The following FER variants were observed in gnomAD, a reference collection of about 807,000 sequenced individuals.
FER encodes tyrosine-protein kinase Fer.
Under a neutral mutation model 111.0 loss-of-function variants are expected in FER, and 63 were observed. The observed-to-expected ratio is 0.57, with a 90% CI of 0.46 to 0.70. FER has a LOEUF of 0.70. Ranked by LOEUF, FER falls within the 30% of genes least tolerant of loss-of-function variation. The pLI, the probability that FER is intolerant of heterozygous loss-of-function variation, is 0.00. For synonymous variants in FER, 327 were observed against 313.9 expected, an observed-to-expected ratio of 1.04 and a Z score of -0.44; for missense variants, 914 against 954.0, an observed-to-expected ratio of 0.96 and a Z score of 0.55.
chr5:108,803,656 T>TA (rs1269864263), intron 3 of FER, among the ~76,000 whole-genome samples: 5 of 151,862 alleles, frequency 3.3e-5, no homozygotes, highest in Admixed American at 1.3e-4. Context: ...TTTTTTTTTT[T>TA]AATTTCTGTG....
At chr5:108,785,330 C>A in intron 2 of FER, 1 of 565,830 alleles carries the variant, frequency 1.8e-6, no homozygotes, top group South Asian at 1.5e-5. Context: ...GTGCTTCAGC[C>A]CCAACTGCTA....
At chr5:108,845,047 TATATATATATATATATATATACACAC>T (rs1761863519) in intron 5 of FER, among the ~76,000 whole-genome samples, 4 of 44,858 alleles carry the variant, frequency 8.9e-5, no homozygotes, top group Non-Finnish European at 1.2e-4. Context: ...TATACATATA[TATATATATATATATATATATACACAC>T]ACACACACAC....
chr5:109,155,228 G>A (rs1755238621), intron 17 of FER, among the ~76,000 whole-genome samples: 1 of 151,842 alleles, frequency 6.6e-6, no homozygotes, highest in Non-Finnish European at 1.5e-5. Flanking sequence ...ATATGTTACT[G>A]CCTAGGATCC....
intron 3 of FER, among the ~76,000 whole-genome samples, chr5:108,825,289 AAG>A: frequency 1.3e-5 from 2 of 152,340 alleles, no homozygotes; most frequent in East Asian, 3.9e-4. Flanking sequence ...TCTCAACCAT[AAG>A]AGACAGGTAC....
At chr5:109,010,972 G>A (rs1766186311) in intron 13 of FER, among the ~76,000 whole-genome samples, 1 of 152,144 alleles carries the variant, frequency 6.6e-6, no homozygotes, top group Admixed American at 6.5e-5. Flanking sequence ...ATGGAAAAAT[G>A]TAAAAGGAAT....
Position 109,078,858 on chromosome 5 carries a change from A to G in FER, c.1925-21538A>G, listed in dbSNP as rs75723187. Among the ~76,000 whole-genome samples, 1,496 of 152,318 alleles carry G rather than the reference A, an allele frequency of 9.8e-3. 18 individuals carry two copies. The highest frequency in any genetic ancestry group is 0.034 in the African/African-American group (1,420 of 41,580). On this transcript the variant is annotated intron_variant, in intron 16 of 19. Transcript: ENST00000281092. ...CCCCTTATGACTTAATAAGTCCATA[A>G]GAGAGGATCACTAGTAATTGGGTTT...
chr5:108,928,370 A>G lies in FER; in HGVS notation c.1237-17760A>G, dbSNP rs185197788. ...AAGTTTTTACTGCTGCCAATTGGCA[A>G]TCATATCACAAAATATTTTAAAGCT... is the stretch of plus-strand genomic sequence containing the variant. On this transcript the variant is annotated intron_variant, in intron 10 of 19. Transcript: ENST00000281092. 1.4e-3 allele frequency among the ~76,000 whole-genome samples: 215 copies of G among 152,348 alleles called. 1 individual carries two copies. Among genetic ancestry groups the G allele is most frequent in the African/African-American group, 5.0e-3 (207 of 41,578 alleles).
chr5:108,923,358 G>T (rs72793905), intron 10 of FER, among the ~76,000 whole-genome samples: 16 of 151,632 alleles, frequency 1.1e-4, no homozygotes, highest in Admixed American at 7.9e-4. Context: ...ATTTTTTTTT[G>T]ATTGCATCTA....
At chr5:109,154,530 A>C (rs1043189421) in intron 17 of FER, among the ~76,000 whole-genome samples, 2 of 151,918 alleles carry the variant, frequency 1.3e-5, no homozygotes, top group African/African-American at 4.8e-5. Context: ...GGGTTAAAGA[A>C]TACAGGAAGA....
intron 10 of FER, among the ~76,000 whole-genome samples, chr5:108,944,659 A>T (rs781257304): frequency 1.3e-5 from 2 of 152,078 alleles, no homozygotes; most frequent in African/African-American, 4.8e-5. Flanking sequence ...TGTTACATAG[A>T]CAGGAACTAC....
At chr5:109,098,965 G>A (rs1293853749) in intron 16 of FER, among the ~76,000 whole-genome samples, 7 of 151,572 alleles carry the variant, frequency 4.6e-5, no homozygotes, top group Admixed American at 6.6e-5. Context: ...TCTCATTAAG[G>A]AAAAAGCCAC....
chr5:108,910,946 A>G (rs1247729522), intron 10 of FER, among the ~76,000 whole-genome samples: 1 of 152,144 alleles, frequency 6.6e-6, no homozygotes, highest in Non-Finnish European at 1.5e-5. Flanking sequence ...TATTACAATA[A>G]ACATATGAGT....
chr5:109,045,458 A>G (rs1771830564), intron 15 of FER, among the ~76,000 whole-genome samples: 1 of 152,132 alleles, frequency 6.6e-6, no homozygotes, highest in Non-Finnish European at 1.5e-5. Context: ...ATAACTGTTG[A>G]TAAGATAATA....
chr5:108,868,612 G>T (rs1764307784), intron 6 of FER, among the ~76,000 whole-genome samples: 1 of 152,032 alleles, frequency 6.6e-6, no homozygotes, highest in South Asian at 2.1e-4. Flanking sequence ...TTCTTTCACT[G>T]AAAATTGTGT....
At chr5:108,909,058 A>G (rs1291280019) in intron 10 of FER, among the ~76,000 whole-genome samples, 1 of 152,186 alleles carries the variant, frequency 6.6e-6, no homozygotes, top group Non-Finnish European at 1.5e-5. Flanking sequence ...ATTATGTTTG[A>G]AGATGTTCTA....
At position 108,841,110 on chromosome 5, in the gene FER, T is replaced by C. The variant is rs564039307; in HGVS notation, c.481+5303T>C. On this transcript the variant is annotated intron_variant, in intron 5 of 19. Transcript: ENST00000281092. Reference sequence around the variant, plus strand: ...AAAACAATTCCAAAAGCTTTGCTGATACCCTTCTCTTTTTACGTTTAACTC... The same window carrying C: ...AAAACAATTCCAAAAGCTTTGCTGACACCCTTCTCTTTTTACGTTTAACTC... Among the ~76,000 whole-genome samples the C allele has an allele frequency of 2.6e-5, 4 of 152,338 alleles. No individual in the cohort carries two copies. The South Asian group carries it at 8.3e-4, about 32-fold the overall frequency.
At chr5:109,008,628 A>T (rs1765801971) in intron 13 of FER, among the ~76,000 whole-genome samples, 1 of 152,148 alleles carries the variant, frequency 6.6e-6, no homozygotes, top group Non-Finnish European at 1.5e-5. Context: ...CTGCTTTAAA[A>T]AAATATTTTG....
intron 13 of FER, among the ~76,000 whole-genome samples, chr5:109,019,517 G>A (rs1767648284): frequency 6.6e-6 from 1 of 151,730 alleles, no homozygotes; most frequent in Non-Finnish European, 1.5e-5. Flanking sequence ...TATTGTCAAA[G>A]TGTGATCGCC....
chr5:108,796,400 C>T (rs947510635), intron 2 of FER, among the ~76,000 whole-genome samples: 1 of 152,198 alleles, frequency 6.6e-6, no homozygotes, highest in Non-Finnish European at 1.5e-5. Context: ...TTGCTCAAGG[C>T]ACCTGAGCTT....
Sources: gnomAD v4.1 joint callset for allele counts (sites outside exome capture counted in the v4.1 genomes callset) on GRCh38, gnomAD v4.1.1 for gene constraint, MANE v1.5 for transcripts, NCBI Gene and HGNC (gene_info 2026-07-23, HGNC 2026-07-21) for gene names.